TULP4: variants seen among roughly 807,000 people sequenced by gnomAD.
TULP4 encodes the protein tubby-related protein 4.
TULP4 carries 16 observed loss-of-function variants against 129.0 expected under a neutral mutation model. The ratio of observed to expected loss-of-function variants is 0.12; its 90% CI spans 0.08 to 0.19. TULP4 has a LOEUF of 0.19. TULP4 is among the 10% of genes least tolerant of loss of function. The pLI is 1.00. For missense variants in TULP4, 1,842 were observed against 2,059.1 expected, an observed-to-expected ratio of 0.89 and a Z score of 2.04; for synonymous variants, 998 against 854.0, an observed-to-expected ratio of 1.17 and a Z score of -2.94.
chr6:158,374,328 A>G (rs571549144), intron 1 of TULP4, among the ~76,000 whole-genome samples: 8 of 151,314 alleles, frequency 5.3e-5, no homozygotes, highest in Non-Finnish European at 8.8e-5. Context: ...AATAGCAGAC[A>G]TTTTCCAGGA....
At chr6:158,387,072 G>A (rs141568459) in intron 1 of TULP4, among the ~76,000 whole-genome samples, 1 of 152,306 alleles carries the variant, frequency 6.6e-6, no homozygotes, top group East Asian at 1.9e-4. Context: ...AGTTGAGAGA[G>A]TGGGTAAGTG....
At chr6:158,478,520 C>G (rs142784747) in intron 6 of TULP4, among the ~76,000 whole-genome samples, 52 of 152,306 alleles carry the variant, frequency 3.4e-4, no homozygotes, top group African/African-American at 1.2e-3. Flanking sequence ...GGCCTGCCCC[C>G]TGTGTGGAAT....
Position 158,502,310 on chromosome 6 carries a change from C to A in TULP4, c.2647C>A (p.Leu883Met). Residue 883 changes from leucine to methionine, a missense_variant, in exon 13 of 14, where the codon CTG becomes ATG. By Grantham distance (15) the Leu-to-Met change is conservative. Transcript: ENST00000367097. ...YPTSVHYQTP[L>M]GYERITTFDS... ...CACGTCAGTGCACTACCAGACCCCCCTGGGCTATGAGAGGATCACCACCTT... is the reference window on the plus strand; with the variant it reads ...CACGTCAGTGCACTACCAGACCCCCATGGGCTATGAGAGGATCACCACCTT... The A allele has an allele frequency of 6.2e-7, 1 of 1,613,612 alleles. No homozygotes were observed. Among genetic ancestry groups the A allele is most frequent in the Non-Finnish European group, 8.5e-7 (1 of 1,179,888 alleles).
At chr6:158,426,414 G>C (rs1778495280) in intron 2 of TULP4, among the ~76,000 whole-genome samples, 1 of 152,146 alleles carries the variant, frequency 6.6e-6, no homozygotes, top group Non-Finnish European at 1.5e-5. Context: ...TAAGAAAGGG[G>C]TCCAGTTTCA....
At chr6:158,400,743 C>G (rs1251369535) in intron 1 of TULP4, among the ~76,000 whole-genome samples, 1 of 152,098 alleles carries the variant, frequency 6.6e-6, no homozygotes, top group East Asian at 1.9e-4. Context: ...GAGCTAGATT[C>G]ACAACTCAGA....
rs1341938287 is a variant in TULP4 at position 158,242,704 on chromosome 6, G to A, written n.68+10401G>A. ...TGCAGGCCAGTTACATCATCTTTGTGGATCTGCAGTATCTTATTGACAGGC... is the reference window on the plus strand; with the variant it reads ...TGCAGGCCAGTTACATCATCTTTGTAGATCTGCAGTATCTTATTGACAGGC... On this transcript the variant is annotated intron_variant and non_coding_transcript_variant, in intron 1 of 1. Transcript: ENST00000620026. 7.1e-6 allele frequency: 4 copies of A among 565,478 alleles called. No individual in the cohort carries two copies. The East Asian group carries it at 1.4e-4, about 19-fold the overall frequency. The allele number at this position is 565,478 out of a possible 1,614,324, so 35.0% of individuals were successfully genotyped here. A position where few individuals can be genotyped will look rare whatever the true frequency, so the allele number is the denominator to read the frequency against.
At chr6:158,328,320 A>G (rs1309494902) in intron 1 of TULP4, among the ~76,000 whole-genome samples, 1 of 151,922 alleles carries the variant, frequency 6.6e-6, no homozygotes, top group African/African-American at 2.4e-5. Context: ...AGATGAGGAA[A>G]GTGAGGTACA....
rs373525200 is a variant in TULP4, at chr6:158,483,385, T to G, written c.1486+2096T>G. The stretch of plus-strand genomic sequence containing the variant: ...TCTTGCTCTGATGCCCAGGCTGCAG[T>G]GCAGTGGTGCCATTACAGCTCACTA... On this transcript the variant is annotated intron_variant, in intron 8 of 13. Coordinates refer to ENST00000367097, the MANE Select transcript of TULP4 (RefSeq NM_020245.5). 1.8e-4 allele frequency among the ~76,000 whole-genome samples: 28 copies of G among 152,298 alleles called. 2 individuals carry two copies. The highest frequency in any genetic ancestry group is 6.5e-4 in the African/African-American group (27 of 41,556).
chr6:158,502,781 T>C lies in TULP4; in HGVS notation c.3118T>C (p.Cys1040Arg). The stretch of plus-strand genomic sequence containing the variant: ...ACCTGCCCTGTACACCTGCAGTCAG[T>C]GCAGTGGCACAGGGCCCAGCTCACA... ...PPPALYTCSQ[C>R]SGTGPSSQPG... Residue 1040 changes from cysteine to arginine, a missense_variant, in exon 13 of 14, where the codon TGC (cysteine) becomes CGC (arginine). Coordinates refer to ENST00000367097, the MANE Select transcript of TULP4 (RefSeq NM_020245.5). 6.2e-7 allele frequency: 1 copy of C among 1,608,310 alleles called. No homozygotes were observed. The highest frequency in any genetic ancestry group is 1.7e-4 in the Middle Eastern group (1 of 6,052).
chr6:158,481,126 C>T lies in TULP4; in HGVS notation c.1323C>T (p.His441=). The T allele has an allele frequency of 1.2e-6, 2 of 1,611,480 alleles. No homozygotes were observed. The highest frequency in any genetic ancestry group is 8.5e-7 in the Non-Finnish European group (1 of 1,177,854). ...SYPSAGNERL[H]CTMKRTEDDP... is the part of the protein sequence containing the mutation. ...CATCAGCCGGCAACGAGCGGCTGCA[C>T]TGCACCATGAAGCGCACAGAGGACG... Residue 441 remains histidine, a synonymous_variant, in exon 8 of 14, where the codon CAC becomes CAT. Transcript: ENST00000367097.
chr6:158,283,176 T>G (rs1175294515), intron 1 of TULP4, among the ~76,000 whole-genome samples: 1 of 151,786 alleles, frequency 6.6e-6, no homozygotes, highest in Non-Finnish European at 1.5e-5. Context: ...ATAAAGACGT[T>G]CATCTGTAAG....
At chr6:158,339,911 C>A in intron 1 of TULP4, among the ~76,000 whole-genome samples, 1 of 152,176 alleles carries the variant, frequency 6.6e-6, no homozygotes, top group African/African-American at 2.4e-5. Context: ...TAGGAAATCA[C>A]AAGAATATTG....
intron 1 of TULP4, among the ~76,000 whole-genome samples, chr6:158,409,237 A>G (rs1241386627): frequency 6.6e-6 from 1 of 152,022 alleles, no homozygotes; most frequent in Non-Finnish European, 1.5e-5. Context: ...TTTTGTGTAG[A>G]TTTTCCTGCC....
chr6:158,406,833 G>A (rs1447766116), intron 1 of TULP4, among the ~76,000 whole-genome samples: 1 of 152,184 alleles, frequency 6.6e-6, no homozygotes, highest in African/African-American at 2.4e-5. Context: ...AAAAAAGTTT[G>A]GAAAATACAG....
chr6:158,340,016 C>T (rs969967960), intron 1 of TULP4, among the ~76,000 whole-genome samples: 11 of 152,184 alleles, frequency 7.2e-5, no homozygotes, highest in Admixed American at 2.6e-4. Flanking sequence ...CCTGAGTTCC[C>T]GCAACAGGCC....
At chr6:158,330,653 C>T (rs946812206) in intron 1 of TULP4, among the ~76,000 whole-genome samples, 1 of 152,208 alleles carries the variant, frequency 6.6e-6, no homozygotes, top group African/African-American at 2.4e-5. Context: ...AATTTAACGT[C>T]AATTCAATAC....
intron 1 of TULP4, among the ~76,000 whole-genome samples, chr6:158,341,838 A>G (rs144078679): frequency 1.2e-4 from 19 of 152,076 alleles, no homozygotes; most frequent in Admixed American, 2.0e-4. Flanking sequence ...GTGGTTTGCA[A>G]ATACTTTCTC....
intron 1 of TULP4, among the ~76,000 whole-genome samples, chr6:158,257,505 A>G (rs911412871): frequency 5.9e-5 from 9 of 152,352 alleles, no homozygotes; most frequent in African/African-American, 2.2e-4. Context: ...TGCAGCCGCC[A>G]TGGTGTGTCA....
At chr6:158,374,004 T>A (rs1777128684) in intron 1 of TULP4, among the ~76,000 whole-genome samples, 1 of 152,224 alleles carries the variant, frequency 6.6e-6, no homozygotes, top group African/African-American at 2.4e-5. Flanking sequence ...ATCTCTATGT[T>A]GACATGTCCT....
Sources: gnomAD v4.1 joint callset for allele counts (sites outside exome capture counted in the v4.1 genomes callset) on GRCh38, gnomAD v4.1.1 for gene constraint, MANE v1.5 for transcripts, NCBI Gene and HGNC (gene_info 2026-07-23, HGNC 2026-07-21) for gene names.